The following SLC4A10 variants were observed in gnomAD, a reference collection of about 807,000 sequenced individuals.
The protein encoded by SLC4A10 is sodium-driven chloride bicarbonate exchanger.
A neutral mutation model predicts 137.7 loss-of-function variants in SLC4A10; 42 were observed. The ratio of observed to expected loss-of-function variants is 0.30; its 90% confidence interval spans 0.24 to 0.39. SLC4A10 has a LOEUF of 0.39. Among genes scored for constraint, SLC4A10 ranks in the 10% least tolerant of loss-of-function variants. The probability of loss-of-function intolerance (pLI) is 1.00; values close to 1 mark genes in which losing one functional copy is unlikely to be tolerated. For missense variants in SLC4A10, 925 were observed against 1,355.0 expected, an observed-to-expected ratio of 0.68 and a Z score of 4.98; for synonymous variants, 474 against 464.1, an observed-to-expected ratio of 1.02 and a Z score of -0.27.
chr2:161,734,662 AAAAT>A (rs137952402), intron 1 of SLC4A10, among the ~76,000 whole-genome samples: 366 of 152,330 alleles, frequency 2.4e-3, no homozygotes, highest in African/African-American at 7.7e-3. Flanking sequence ...AATTAGTTTT[AAAAT>A]AAATACTCAT....
At chr2:161,662,622 A>G (rs1006823714) in intron 1 of SLC4A10, among the ~76,000 whole-genome samples, 2 of 152,204 alleles carry the variant, frequency 1.3e-5, no homozygotes, top group African/African-American at 2.4e-5. Context: ...GAATGTCTGT[A>G]TATTTAAAAT....
Position 161,846,599 on chromosome 2 carries a change from C to T in SLC4A10, c.416+6672C>T, listed in dbSNP as rs150932897. Among the ~76,000 whole-genome samples, 918 of 152,252 alleles carry T rather than the reference C, an allele frequency of 6.0e-3. 6 individuals carry two copies. Among genetic ancestry groups the T allele is most frequent in the Admixed American group, 0.013 (195 of 15,280 alleles). Reference sequence around the variant, plus strand: ...TGTCCCCCATGGGTGACTGATTAAACAAACTGATACATCCATCTTTATAAT... The same window carrying T: ...TGTCCCCCATGGGTGACTGATTAAATAAACTGATACATCCATCTTTATAAT... On this transcript the variant is annotated intron_variant, in intron 4 of 26. Coordinates refer to ENST00000446997, the MANE Select transcript of SLC4A10 (RefSeq NM_001178015.2).
chr2:161,933,882 T>C (rs774007729), intron 15 of SLC4A10, among the ~76,000 whole-genome samples: 7 of 152,218 alleles, frequency 4.6e-5, no homozygotes, highest in Non-Finnish European at 1.0e-4. Flanking sequence ...GGTCTATTAA[T>C]TTTTTGAAGA....
intron 22 of SLC4A10, 100 bp from the exon 23 acceptor site, chr2:161,964,951 G>A: frequency 1.9e-6 from 2 of 1,032,664 alleles, no homozygotes; most frequent in East Asian, 2.6e-5. Context: ...TTTAATCTCA[G>A]GCCTAATAGA....
intron 15 of SLC4A10, among the ~76,000 whole-genome samples, chr2:161,933,091 A>G (rs1163978963): frequency 6.6e-6 from 1 of 151,764 alleles, no homozygotes; most frequent in Non-Finnish European, 1.5e-5. Flanking sequence ...CACAATGTAT[A>G]TATGCCACTT....
chr2:161,939,399 AT>A (rs1239243784), intron 15 of SLC4A10, among the ~76,000 whole-genome samples: 1 of 152,058 alleles, frequency 6.6e-6, no homozygotes. Flanking sequence ...TTCTACACTT[AT>A]CCCCAACCTT....
intron 16 of SLC4A10, 38 bp downstream of exon 16, chr2:161,942,935 C>A (rs185548544): frequency 4.7e-6 from 7 of 1,493,096 alleles, no homozygotes; most frequent in African/African-American, 4.2e-5. Flanking sequence ...TACCTAAGAG[C>A]TTTTGTTGAC....
chr2:161,731,769 A>G (rs2046843603), intron 1 of SLC4A10, among the ~76,000 whole-genome samples: 1 of 152,192 alleles, frequency 6.6e-6, no homozygotes, highest in Non-Finnish European at 1.5e-5. Context: ...GAGATTATAC[A>G]TGACTTAAAA....
intron 15 of SLC4A10, among the ~76,000 whole-genome samples, chr2:161,921,981 C>A (rs1688225186): frequency 1.3e-5 from 2 of 151,992 alleles, no homozygotes; most frequent in African/African-American, 4.8e-5. Context: ...TGCTATGGGC[C>A]AGGTGCTTGC....
intron 1 of SLC4A10, among the ~76,000 whole-genome samples, chr2:161,726,746 T>C (rs1469485631): frequency 6.6e-6 from 1 of 152,110 alleles, no homozygotes; most frequent in Non-Finnish European, 1.5e-5. Context: ...TCAACTCTAC[T>C]AAAAATACAA....
rs1694349430 is a variant in SLC4A10 at position 161,949,154 on chromosome 2, T to A, written c.2272T>A (p.Ser758Thr). ...TSRYFPTKVR[S>T]IVSDFAVFLT... ...GTGTTTTCATTATTTTTAGGTTCGA[T>A]CCATAGTGAGTGACTTTGCTGTCTT... is the stretch of plus-strand genomic sequence containing the variant. Residue 758 changes from serine to threonine, a missense_variant, in exon 18 of 27, where the codon TCC becomes ACC. By Grantham distance (58) the Ser-to-Thr change is moderately conservative. Around this residue, in one of 11 missense-constraint regions of SLC4A10, gnomAD observed 82 missense variants for 151.4 expected, o/e 0.54. Transcript: ENST00000446997. 6.2e-7 allele frequency: 1 copy of A among 1,607,352 alleles called. No homozygotes were observed. Among genetic ancestry groups the A allele is most frequent in the Non-Finnish European group, 8.5e-7 (1 of 1,175,972 alleles).
chr2:161,945,182 GTATATATATA>G (rs56159201), intron 16 of SLC4A10, among the ~76,000 whole-genome samples: 5,862 of 88,302 alleles, frequency 0.066, 306 homozygotes, highest in Non-Finnish European at 0.08. Context: ...AAGTTTGTGT[GTATATATATA>G]TATATATATA....
At chr2:161,894,583 T>C in intron 10 of SLC4A10, 96 bp from the exon 11 acceptor site, 1 of 560,594 alleles carries the variant, frequency 1.8e-6, no homozygotes, top group Non-Finnish European at 2.6e-6. Flanking sequence ...CAAATTGTTA[T>C]AATCACATGT....
intron 1 of SLC4A10, among the ~76,000 whole-genome samples, chr2:161,743,148 T>C (rs1175052637): frequency 6.6e-6 from 1 of 152,234 alleles, no homozygotes; most frequent in Non-Finnish European, 1.5e-5. Context: ...TATTACCTGT[T>C]TTGGTTGCCT....
At chr2:161,735,910 A>G (rs745843861) in intron 1 of SLC4A10, among the ~76,000 whole-genome samples, 4 of 152,202 alleles carry the variant, frequency 2.6e-5, no homozygotes, top group Admixed American at 1.3e-4. Flanking sequence ...TGACTTTAAA[A>G]CATGTATCAG....
chr2:161,629,708 C>T (rs922909651), intron 1 of SLC4A10, among the ~76,000 whole-genome samples: 1 of 151,882 alleles, frequency 6.6e-6, no homozygotes, highest in African/African-American at 2.4e-5. Context: ...CTATTCATCC[C>T]TCCCTTTCCA....
intron 1 of SLC4A10, among the ~76,000 whole-genome samples, chr2:161,642,425 A>G (rs2105497617): frequency 6.6e-6 from 1 of 152,158 alleles, no homozygotes; most frequent in Non-Finnish European, 1.5e-5. Flanking sequence ...CCATAAAAAA[A>G]GATTTGATGA....
At chr2:161,644,079 T>TC (rs1443442348) in intron 1 of SLC4A10, among the ~76,000 whole-genome samples, 2 of 151,752 alleles carry the variant, frequency 1.3e-5, no homozygotes, top group Non-Finnish European at 2.9e-5. Flanking sequence ...TTTTTTTTTT[T>TC]TTTCTTTTTC....
intron 16 of SLC4A10, among the ~76,000 whole-genome samples, chr2:161,944,944 G>A (rs2176135): frequency 0.84 from 126,147 of 150,722 alleles, 53,313 homozygotes; most frequent in East Asian, 0.99. Flanking sequence ...CATATTATTT[G>A]TTTGGCAGGT....
Sources: gnomAD v4.1 joint callset for allele counts (sites outside exome capture counted in the v4.1 genomes callset) on GRCh38, gnomAD v4.1.1 for gene constraint, gnomAD v4.1.1 regional missense constraint, MANE v1.5 for transcripts, NCBI Gene and HGNC (gene_info 2026-07-23, HGNC 2026-07-21) for gene names.